PCID2: variants seen among roughly 807,000 people sequenced by gnomAD.
PCID2 encodes the protein PCI domain containing 2.
PCID2 carries 41 observed loss-of-function variants against 61.3 expected under a neutral mutation model. The ratio of observed to expected loss-of-function variants is 0.67; its 90% CI spans 0.52 to 0.87. PCID2 has a LOEUF of 0.87. Among genes scored for constraint, PCID2 ranks in the 40% least tolerant of loss-of-function variants. The pLI, the probability that PCID2 is intolerant of heterozygous loss-of-function variation, is 0.00. For missense variants in PCID2, 392 were observed against 493.4 expected, an observed-to-expected ratio of 0.79 and a Z score of 1.95; for synonymous variants, 187 against 177.8, an observed-to-expected ratio of 1.05 and a Z score of -0.41.
chr13:113,207,501 C>T (rs1055567508), intron 1 of PCID2, among the ~76,000 whole-genome samples: 1 of 152,046 alleles, frequency 6.6e-6, no homozygotes, highest in Non-Finnish European at 1.5e-5. Context: ...AAGAAAAGGC[C>T]CTGGGCTTAC....
chr13:113,204,499 G>T (rs915055709), intron 1 of PCID2, among the ~76,000 whole-genome samples: 5 of 152,198 alleles, frequency 3.3e-5, no homozygotes, highest in African/African-American at 9.6e-5. Context: ...CTTTGCCTGT[G>T]ACCTCCCAGG....
At chr13:113,169,469 C>T in the PCID2 span, among the ~76,000 whole-genome samples, 11 of 152,216 alleles carry the variant, frequency 7.2e-5, no homozygotes, top group South Asian at 8.3e-4. Flanking sequence ...GTTTGTATGC[C>T]GTAATGGATT....
intron 6 of PCID2, among the ~76,000 whole-genome samples, 181 bp downstream of exon 6, chr13:113,194,890 T>C (rs2038893834): frequency 6.6e-6 from 1 of 152,232 alleles, no homozygotes; most frequent in South Asian, 2.1e-4. Flanking sequence ...CAAATGTTTA[T>C]ATAAATCTGT....
chr13:113,200,694 T>TTA, intron 1 of PCID2, 178 bp from the exon 2 acceptor site: 2 of 421,316 alleles, frequency 4.7e-6, no homozygotes, highest in Non-Finnish European at 8.5e-6. Context: ...AAACAATAAT[T>TTA]TCTTTTTTTT....
At chr13:113,195,249 T>C (rs2038927879) in intron 5 of PCID2, 124 bp from the exon 6 acceptor site, 1 of 698,958 alleles carries the variant, frequency 1.4e-6, no homozygotes. Context: ...TATCCAAAAC[T>C]CTGACAGTTG....
At chr13:113,208,181 T>C in intron 1 of PCID2, 1 of 1,576,262 alleles carries the variant, frequency 6.3e-7, no homozygotes, top group Non-Finnish European at 8.6e-7. Flanking sequence ...CATCGCCTCC[T>C]GGAGTCCCCG....
intron 13 of PCID2, 150 bp from the exon 14 acceptor site, chr13:113,178,437 C>A: frequency 1.7e-6 from 1 of 573,364 alleles, no homozygotes. Flanking sequence ...AAAATAAATA[C>A]AATCAACCCT....
chr13:113,183,336 A>T (rs1420660120), intron 9 of PCID2, among the ~76,000 whole-genome samples: 1 of 152,226 alleles, frequency 6.6e-6, no homozygotes, highest in East Asian at 1.9e-4. Flanking sequence ...CAAAAATACC[A>T]CTTACTGAAT....
chr13:113,172,276 C>G, the PCID2 span: 1 of 850,096 alleles, frequency 1.2e-6, no homozygotes, highest in Non-Finnish European at 1.9e-6. Context: ...GGTTGTTTAC[C>G]GAGCACTGTG....
chr13:113,208,309 A>G, intron 1 of PCID2: 1 of 1,431,976 alleles, frequency 7.0e-7, no homozygotes, highest in Non-Finnish European at 9.1e-7. Flanking sequence ...CACACGTGCC[A>G]GCAAGTGAGG....
chr13:113,165,720 G>A, the PCID2 span, among the ~76,000 whole-genome samples: 5 of 151,934 alleles, frequency 3.3e-5, no homozygotes, highest in Non-Finnish European at 2.9e-5. Flanking sequence ...TAGTAGAGAC[G>A]GGGTTTCACC....
chr13:113,183,935 A>G, intron 9 of PCID2: 1 of 985,410 alleles, frequency 1.0e-6, no homozygotes, highest in Admixed American at 6.1e-5. Flanking sequence ...CCCTGCTTCT[A>G]AGTCATCTCC....
At chr13:113,199,288 G>T (rs1259252401) in intron 2 of PCID2, among the ~76,000 whole-genome samples, 1 of 152,186 alleles carries the variant, frequency 6.6e-6, no homozygotes, top group Non-Finnish European at 1.5e-5. Flanking sequence ...TTCACTCCTT[G>T]TGTGGGATTT....
At chr13:113,198,645 T>C (rs7997566) in intron 2 of PCID2, among the ~76,000 whole-genome samples, 2,591 of 152,228 alleles carry the variant, frequency 0.017, 68 homozygotes, top group African/African-American at 0.058. Flanking sequence ...GGGGAGGTTG[T>C]AGTAAGCCAA....
chr13:113,185,802 T>C (rs1408351099), intron 7 of PCID2: 1 of 396,822 alleles, frequency 2.5e-6, no homozygotes, highest in Non-Finnish European at 4.5e-6. Flanking sequence ...AATTAACTAC[T>C]TGAGTAACAT....
At chr13:113,189,504 G>T (rs1381996580) in intron 7 of PCID2, among the ~76,000 whole-genome samples, 1 of 151,998 alleles carries the variant, frequency 6.6e-6, no homozygotes, top group Non-Finnish European at 1.5e-5. Context: ...TTTATATATG[G>T]ATACCTTTGA....
At chr13:113,199,674 A>G (rs2039273614) in intron 2 of PCID2, among the ~76,000 whole-genome samples, 1 of 152,174 alleles carries the variant, frequency 6.6e-6, no homozygotes, top group Non-Finnish European at 1.5e-5. Flanking sequence ...TGGCCAAGGC[A>G]AGCCTGAGTC....
chr13:113,192,331 T>A (rs1263318697), intron 6 of PCID2, among the ~76,000 whole-genome samples: 1 of 152,274 alleles, frequency 6.6e-6, no homozygotes. Context: ...ACACGTTTTT[T>A]ATATTCTTTG....
the PCID2 span, chr13:113,170,459 T>C: frequency 1.9e-6 from 3 of 1,611,332 alleles, no homozygotes; most frequent in Non-Finnish European, 2.5e-6. Flanking sequence ...GGTGGTGTTA[T>C]AATACGGGAA....
Sources: gnomAD v4.1 joint callset for allele counts (sites outside exome capture counted in the v4.1 genomes callset) on GRCh38, gnomAD v4.1.1 for gene constraint, MANE v1.5 for transcripts, NCBI Gene and HGNC (gene_info 2026-07-23, HGNC 2026-07-21) for gene names.